TDG: variants seen among roughly 807,000 people sequenced by gnomAD.
TDG encodes the protein thymine DNA glycosylase.
In TDG, 23 loss-of-function variants were observed where a neutral mutation model predicts 46.1. That is an observed-to-expected ratio of 0.50 (90% CI 0.36 to 0.71). TDG has a LOEUF of 0.71. Ranked by LOEUF, TDG falls within the 30% of genes least tolerant of loss-of-function variation. TDG has a pLI of 0.00. For missense variants in TDG, 304 were observed against 486.7 expected (o/e 0.62, Z 3.53); for synonymous variants, 115 against 161.3 (o/e 0.71, Z 2.18).
In TDG at chr12:103,975,971, C is replaced by G. The variant is rs373576655; in HGVS notation, c.24-947C>G. Among the ~76,000 whole-genome samples, 3 of 151,676 alleles carry G rather than the reference C, an allele frequency of 2.0e-5. No homozygotes were observed. In the East Asian group the frequency reaches 5.8e-4, roughly 29 times the overall value. ...GCCACTGTGCCCGGCCTTGTCACCT[C>G]ATAAAGGTCCTACCTCTCAACACTT... On this transcript the variant is annotated intron_variant, in intron 1 of 9. Coordinates refer to ENST00000392872, the MANE Select transcript of TDG (RefSeq NM_003211.6).
intron 1 of TDG, among the ~76,000 whole-genome samples, chr12:103,972,077 T>G (rs1417045982): frequency 1.3e-5 from 2 of 152,194 alleles, no homozygotes; most frequent in Admixed American, 6.5e-5. Flanking sequence ...TTATGCTGCT[T>G]ATACATTTAG....
At chr12:103,971,675 TGA>T (rs1871289733) in intron 1 of TDG, among the ~76,000 whole-genome samples, 1 of 149,056 alleles carries the variant, frequency 6.7e-6, no homozygotes, top group Admixed American at 6.7e-5. Context: ...TGAGGGAGAG[TGA>T]GAGGTAGTGA....
Position 103,982,860 on chromosome 12 carries a change from T to C in TDG, c.540T>C (p.Thr180=), listed in dbSNP as rs760033946. 134 of 1,613,938 alleles carry C rather than the reference T, an allele frequency of 8.3e-5. No homozygotes were observed. The highest frequency in any genetic ancestry group is 1.1e-4 in the Non-Finnish European group (128 of 1,180,036). The change falls in exon 5 of 10, where the codon ACT becomes ACC. Residue 180 remains threonine (T), a synonymous_variant. Transcript: ENST00000392872. ...AGCTGAACCATATGGATGATCACAC[T>C]CTACCAGGGAAGTATGGTATTGGAT... ...EVQLNHMDDH[T]LPGKYGIGFT...
chr12:103,969,092 T>C (rs1468655411), intron 1 of TDG, among the ~76,000 whole-genome samples: 1 of 152,238 alleles, frequency 6.6e-6, no homozygotes, highest in African/African-American at 2.4e-5. Flanking sequence ...AGGAGGTACC[T>C]ACAGTAGTCA....
At chr12:103,977,961 C>T (rs756024293) in intron 2 of TDG, among the ~76,000 whole-genome samples, 2 of 151,996 alleles carry the variant, frequency 1.3e-5, no homozygotes, top group African/African-American at 2.4e-5. Flanking sequence ...GGCTGAGGCA[C>T]GAGAATTGCT....
At chr12:103,966,837 G>A (rs1413720698) in intron 1 of TDG, among the ~76,000 whole-genome samples, 1 of 152,182 alleles carries the variant, frequency 6.6e-6, no homozygotes, top group African/African-American at 2.4e-5. Flanking sequence ...CTGACTCTCA[G>A]TGGCTAATGG....
intron 9 of TDG, chr12:103,986,148 C>T (rs1339297497): frequency 6.6e-6 from 1 of 152,472 alleles, no homozygotes; most frequent in Non-Finnish European, 1.5e-5. Flanking sequence ...GTCTCGATCT[C>T]CTGACCTCGT....
At chr12:103,971,065 G>A (rs989086065) in intron 1 of TDG, among the ~76,000 whole-genome samples, 3 of 152,182 alleles carry the variant, frequency 2.0e-5, no homozygotes, top group African/African-American at 7.2e-5. Flanking sequence ...AAGTATATGG[G>A]AGGATCTGCA....
rs4964430 is a variant in TDG at position 103,988,391 on chromosome 12, A to T, written c.*1301A>T. On this transcript the variant is annotated 3_prime_UTR_variant, in exon 10 of 10. Coordinates refer to ENST00000392872, the MANE Select transcript of TDG (RefSeq NM_003211.6). The stretch of plus-strand genomic sequence containing the variant: ...ACAAATTCTTATTGTGAATCTTAAC[A>T]TGCTTTTTAGCTGTGGCTATGATGG... 2.6e-5 allele frequency: 4 copies of T among 152,348 alleles called. No individual in the cohort carries two copies. In the South Asian group the frequency reaches 6.2e-4, roughly 24 times the overall value. The allele number at this position is 152,348 out of a possible 1,614,324, so 9.4% of individuals were successfully genotyped here.
intron 1 of TDG, among the ~76,000 whole-genome samples, chr12:103,973,351 C>T (rs1871366297): frequency 6.6e-6 from 1 of 152,168 alleles, no homozygotes; most frequent in African/African-American, 2.4e-5. Flanking sequence ...TCCCAAAGCG[C>T]CGAGATTACA....
At chr12:103,969,031 A>G (rs555995658) in intron 1 of TDG, among the ~76,000 whole-genome samples, 1 of 152,354 alleles carries the variant, frequency 6.6e-6, no homozygotes, top group South Asian at 2.1e-4. Context: ...GTATCAGTTC[A>G]GAAAGAAAGC....
At position 103,988,564 on chromosome 12, in the gene TDG, G is replaced by A. The variant is rs1047602098; in HGVS notation, c.*1474G>A. 6.5e-6 allele frequency: 1 copy of A among 152,770 alleles called. No individual in the cohort carries two copies. The highest frequency in any genetic ancestry group is 2.4e-5 in the African/African-American group (1 of 41,480). 9.5% of individuals were successfully genotyped at this position (152,770 alleles called of 1,614,324 possible). On this transcript the variant is annotated 3_prime_UTR_variant, in exon 10 of 10. Coordinates refer to ENST00000392872, the MANE Select transcript of TDG (RefSeq NM_003211.6). ...GGAGCAATTAAATTATTTTTTCACG[G>A]GACTGTGTAAAGCATGTAACTAGGT...
intron 1 of TDG, among the ~76,000 whole-genome samples, chr12:103,973,616 A>G (rs1033638951): frequency 5.9e-5 from 9 of 152,228 alleles, no homozygotes; most frequent in Non-Finnish European, 1.3e-4. Flanking sequence ...AATGTTGAAC[A>G]ACCAATATTT....
intron 1 of TDG, among the ~76,000 whole-genome samples, chr12:103,976,138 C>T (rs933928495): frequency 6.6e-6 from 1 of 151,990 alleles, no homozygotes; most frequent in African/African-American, 2.4e-5. Flanking sequence ...GGTGCAGTGG[C>T]TCACATCTGT....
chr12:103,978,497 G>A (rs890233597), intron 2 of TDG, among the ~76,000 whole-genome samples: 5 of 152,136 alleles, frequency 3.3e-5, no homozygotes, highest in African/African-American at 9.7e-5. Context: ...CTCTGCCTCC[G>A]CATTAGGACT....
intron 3 of TDG, 177 bp downstream of exon 3, chr12:103,980,249 T>C (rs953736092): frequency 2.6e-6 from 2 of 783,844 alleles, no homozygotes; most frequent in Non-Finnish European, 1.9e-6. Flanking sequence ...GAGGGTGGGC[T>C]CCAAATTTAG....
chr12:103,966,991 A>G lies in TDG; in HGVS notation c.23+931A>G, dbSNP rs560169615. Among the ~76,000 whole-genome samples the G allele has an allele frequency of 2.6e-5, 4 of 152,338 alleles. 1 individual carries two copies. Among genetic ancestry groups the G allele is most frequent in the African/African-American group, 9.6e-5 (4 of 41,578 alleles). The stretch of plus-strand genomic sequence containing the variant: ...ACCAAAATAAATTAGAGCTTAGGAA[A>G]AGAGATATATGTAGACAAAGTGTGG... On this transcript the variant is annotated intron_variant, in intron 1 of 9. Coordinates refer to ENST00000392872, the MANE Select transcript of TDG (RefSeq NM_003211.6).
chr12:103,983,232 T>A lies in TDG; in HGVS notation c.697+14T>A, dbSNP rs754372926. 9 of 1,579,464 alleles carry A rather than the reference T, an allele frequency of 5.7e-6. No individual in the cohort carries two copies. The highest frequency in any genetic ancestry group is 7.7e-6 in the Non-Finnish European group (9 of 1,168,710). ...TTAATGGAAAATGTAAGATTTACTTTTAAATTTTTTTTTTCTTTGCTAACA... is the reference window on the plus strand; with the variant it reads ...TTAATGGAAAATGTAAGATTTACTTATAAATTTTTTTTTTCTTTGCTAACA... On this transcript the variant is annotated intron_variant, in intron 6 of 9. Coordinates refer to ENST00000392872, the MANE Select transcript of TDG (RefSeq NM_003211.6).
intron 2 of TDG, 30 bp downstream of exon 2, chr12:103,977,090 C>A: frequency 1.3e-6 from 2 of 1,583,246 alleles, no homozygotes; most frequent in South Asian, 2.3e-5. Context: ...TTAGAAAGTT[C>A]AACATCGGAT....
Sources: gnomAD v4.1 joint callset for allele counts (sites outside exome capture counted in the v4.1 genomes callset) on GRCh38, gnomAD v4.1.1 for gene constraint, MANE v1.5 for transcripts, NCBI Gene and HGNC (gene_info 2026-07-23, HGNC 2026-07-21) for gene names.